The following ABR variants were observed in gnomAD, a reference collection of about 807,000 sequenced individuals.
ABR encodes active breakpoint cluster region-related protein.
Under a neutral mutation model 107.2 loss-of-function variants are expected in ABR, and 35 were observed. The ratio of observed to expected loss-of-function variants is 0.33; its 90% CI spans 0.25 to 0.43. ABR has a LOEUF of 0.43. Among genes scored for constraint, ABR ranks in the 20% least tolerant of loss-of-function variants. ABR has a pLI of 1.00. For synonymous variants in ABR, 498 were observed against 462.0 expected (o/e 1.08, Z -1.00); for missense variants, 815 against 1,115.2 (o/e 0.73, Z 3.83).
chr17:1,157,277 G>A lies in ABR; in HGVS notation c.61+22390C>T, dbSNP rs2041080557. Among the ~76,000 whole-genome samples the A allele has an allele frequency of 7.1e-6, 1 of 141,466 alleles. No individual in the cohort carries two copies. Among genetic ancestry groups the A allele is most frequent in the African/African-American group, 2.7e-5 (1 of 37,670 alleles). The allele number at this position is 141,466 out of a possible 152,430, so 92.8% of individuals were successfully genotyped here. On this transcript the variant is annotated intron_variant, in intron 1 of 22. Transcript: ENST00000302538. The surrounding 1 kb of genome is among the most constrained non-coding windows in gnomAD (Gnocchi z 4.7). Reference sequence around the variant, plus strand: ...TTTTTTTTTTTTTTTTTGAGATGAAGTCTCACTCTGTCGCCCAGGCTGGAG... The same window carrying A: ...TTTTTTTTTTTTTTTTTGAGATGAAATCTCACTCTGTCGCCCAGGCTGGAG...
intron 1 of ABR, among the ~76,000 whole-genome samples, chr17:1,204,342 G>A (rs2042747240): frequency 1.3e-5 from 2 of 152,248 alleles, no homozygotes; most frequent in African/African-American, 4.8e-5. Context: ...CTACTCGGGA[G>A]GCTGAGGCAG....
At chr17:1,195,561 G>A (rs1305164137) in intron 1 of ABR, among the ~76,000 whole-genome samples, 1 of 149,754 alleles carries the variant, frequency 6.7e-6, no homozygotes, top group Non-Finnish European at 1.5e-5. Flanking sequence ...TCCCAGCACT[G>A]TGGGAGGCCG....
At chr17:1,155,542 G>A (rs2041005859) in intron 1 of ABR, among the ~76,000 whole-genome samples, 2 of 152,280 alleles carry the variant, frequency 1.3e-5, no homozygotes, top group South Asian at 2.1e-4. Context: ...AGAGAGCACG[G>A]GGGAACCGCA....
At chr17:1,211,002 G>A (rs540169343) in intron 1 of ABR, among the ~76,000 whole-genome samples, 1 of 152,280 alleles carries the variant, frequency 6.6e-6, no homozygotes, top group South Asian at 2.1e-4. Context: ...ATTCCTGGCC[G>A]AGCGTGGTGG....
chr17:1,203,344 G>A (rs2042709405), intron 1 of ABR, among the ~76,000 whole-genome samples: 1 of 148,488 alleles, frequency 6.7e-6, no homozygotes, highest in African/African-American at 2.5e-5. Flanking sequence ...GGTCCGCGGG[G>A]AGGAGCCTGC....
chr17:1,104,302 G>GT (rs1383137847), intron 2 of ABR, among the ~76,000 whole-genome samples: 13 of 152,336 alleles, frequency 8.5e-5, no homozygotes, highest in Admixed American at 3.9e-4. Context: ...TAGGAACAAT[G>GT]TCTAGAGATA....
At position 1,111,248 on chromosome 17, in the gene ABR, C is replaced by T. The variant is rs189482142; in HGVS notation, c.247-10513G>A. On this transcript the variant is annotated intron_variant, in intron 2 of 22. Transcript: ENST00000302538. ...CCTCTACACGGCATGGTGAGACTGACGCCCACTTCTTCCCAAAATCCCTGA... is the reference window on the plus strand; with the variant it reads ...CCTCTACACGGCATGGTGAGACTGATGCCCACTTCTTCCCAAAATCCCTGA... 6.7e-3 allele frequency among the ~76,000 whole-genome samples: 1,016 copies of T among 152,288 alleles called. 15 individuals are homozygous for T. Among genetic ancestry groups the T allele is most frequent in the African/African-American group, 0.022 (902 of 41,544 alleles).
chr17:1,037,054 T>C lies in ABR; in HGVS notation c.1791+12996A>G, dbSNP rs146361446. Among the ~76,000 whole-genome samples the C allele has an allele frequency of 1.6e-3, 204 of 126,652 alleles. No individual in the cohort carries two copies. Among genetic ancestry groups the C allele is most frequent in the Non-Finnish European group, 2.5e-3 (156 of 62,184 alleles). 83.1% of individuals were successfully genotyped at this position (126,652 alleles called of 152,430 possible). On this transcript the variant is annotated intron_variant, in intron 16 of 22. Coordinates refer to ENST00000302538, the MANE Select transcript of ABR (RefSeq NM_021962.5). The surrounding 1 kb of genome is among the most constrained non-coding windows in gnomAD (Gnocchi z 4.6). ...ATCCATCCACCCATCCATCCATCCA[T>C]CCACCCATCCATCCACCCACCCACC...
At chr17:1,082,084 G>A (rs545346272) in intron 5 of ABR, among the ~76,000 whole-genome samples, 7 of 152,030 alleles carry the variant, frequency 4.6e-5, no homozygotes, top group Admixed American at 1.3e-4. Flanking sequence ...ACTACCCTGC[G>A]TTTCCCCAAC....
chr17:1,076,005 G>A (rs965679162), intron 6 of ABR, among the ~76,000 whole-genome samples: 2 of 152,188 alleles, frequency 1.3e-5, no homozygotes, highest in Non-Finnish European at 2.9e-5. Context: ...TTGCGCCATT[G>A]CACTCCAGCC....
chr17:1,097,313 G>A lies in ABR; in HGVS notation c.345+3324C>T, dbSNP rs576955404. Among the ~76,000 whole-genome samples, 6 of 152,264 alleles carry A rather than the reference G, an allele frequency of 3.9e-5. No individual in the cohort carries two copies. The South Asian group carries it at 8.3e-4, about 21-fold the overall frequency. Reference sequence around the variant, plus strand: ...CTGTGTTCTAAGAGCTTTATGTGCCGGACACAGTGGCTCACATCTGTAATC... The same window carrying A: ...CTGTGTTCTAAGAGCTTTATGTGCCAGACACAGTGGCTCACATCTGTAATC... On this transcript the variant is annotated intron_variant, in intron 3 of 22. Coordinates refer to ENST00000302538, the MANE Select transcript of ABR (RefSeq NM_021962.5).
chr17:1,009,168 CCCCCACTGCTGTCCAT>C (rs577260365), intron 21 of ABR, among the ~76,000 whole-genome samples: 22 of 59,610 alleles, frequency 3.7e-4, no homozygotes, highest in Middle Eastern at 9.6e-3. Flanking sequence ...TGCTGTCTGT[CCCCCACTGCTGTCCAT>C]CCCCACTGCT....
intron 16 of ABR, among the ~76,000 whole-genome samples, chr17:1,043,910 C>T (rs1567639652): frequency 6.6e-6 from 1 of 152,104 alleles, no homozygotes; most frequent in Non-Finnish European, 1.5e-5. Flanking sequence ...GGCCGGGGGG[C>T]GGGCAGGGGG....
At chr17:1,104,865 C>T (rs1022932026) in intron 2 of ABR, among the ~76,000 whole-genome samples, 1 of 152,218 alleles carries the variant, frequency 6.6e-6, no homozygotes, top group African/African-American at 2.4e-5. Context: ...CTATTGCTGT[C>T]TGAGGTCTTA....
intron 1 of ABR, among the ~76,000 whole-genome samples, chr17:1,128,963 A>G (rs1311940939): frequency 6.6e-6 from 1 of 152,256 alleles, no homozygotes; most frequent in Non-Finnish European, 1.5e-5. Flanking sequence ...AAAAAGTGCC[A>G]AATGCAATTT....
intron 21 of ABR, among the ~76,000 whole-genome samples, chr17:1,009,374 G>C (rs1182553377): frequency 2.0e-5 from 3 of 151,666 alleles, no homozygotes; most frequent in Admixed American, 2.0e-4. Context: ...CTGTAGTCCT[G>C]GGCTCTCACC....
intron 2 of ABR, among the ~76,000 whole-genome samples, chr17:1,123,715 T>G (rs1268351684): frequency 6.6e-6 from 1 of 152,100 alleles, no homozygotes; most frequent in Admixed American, 6.5e-5. Flanking sequence ...TGAGCCCTGC[T>G]GTGGTTTGAG....
At chr17:1,225,698 TGTA>T (rs1271419162) in intron 1 of ABR, among the ~76,000 whole-genome samples, 1 of 152,012 alleles carries the variant, frequency 6.6e-6, no homozygotes, top group East Asian at 1.9e-4. Context: ...AAAAATGACC[TGTA>T]GTAGTGGTTA....
chr17:1,018,055 A>T lies in ABR; in HGVS notation c.1792-4891T>A, dbSNP rs988800905. Among the ~76,000 whole-genome samples, 9 of 150,564 alleles carry T rather than the reference A, an allele frequency of 6.0e-5. No individual in the cohort carries two copies. The South Asian group carries it at 8.4e-4, about 14-fold the overall frequency. On this transcript the variant is annotated intron_variant, in intron 16 of 22. Coordinates refer to ENST00000302538, the MANE Select transcript of ABR (RefSeq NM_021962.5). ...GCCCTTATTTTTTATTTATTTATTTATTTTTGAGACGGAGTCTTGCTCTGT... is the reference window on the plus strand; with the variant it reads ...GCCCTTATTTTTTATTTATTTATTTTTTTTTGAGACGGAGTCTTGCTCTGT...
Sources: allele counts gnomAD v4.1 joint callset (sites outside exome capture counted in the v4.1 genomes callset), GRCh38; gene constraint gnomAD v4.1.1; non-coding constraint Gnocchi (gnomAD v3.1); transcripts MANE v1.5; gene names NCBI Gene and HGNC (gene_info 2026-07-23, HGNC 2026-07-21).